Variants in LMAN2 observed in about 807,000 individuals in gnomAD.
LMAN2 encodes the protein vesicular integral-membrane protein VIP36.
In LMAN2, 22 loss-of-function variants were observed where a neutral mutation model predicts 39.3. That is an observed-to-expected ratio of 0.56 (90% CI 0.40 to 0.80). The LOEUF is 0.80. Among genes scored for constraint, LMAN2 ranks in the 30% least tolerant of loss-of-function variants. LMAN2 has a pLI of 0.00. For synonymous variants in LMAN2, 207 were observed against 207.8 expected (o/e 1.00, Z 0.03); for missense variants, 494 against 505.4 (o/e 0.98, Z 0.22).
chr5:177,350,511 T>C (rs1761705829), intron 2 of LMAN2, among the ~76,000 whole-genome samples: 1 of 152,124 alleles, frequency 6.6e-6, no homozygotes, highest in African/African-American at 2.4e-5. Context: ...ACAGGTCCAG[T>C]CCCTCCACAC....
At position 177,338,522 on chromosome 5, in the gene LMAN2, G is replaced by A. The variant is rs143337574; in HGVS notation, c.399C>T (p.Ile133=). 822 of 1,614,094 alleles carry A rather than the reference G, an allele frequency of 5.1e-4. No individual in the cohort carries two copies. Among genetic ancestry groups the A allele is most frequent in the Non-Finnish European group, 6.5e-4 (769 of 1,180,014 alleles). Reference sequence around the variant, plus strand: ...GGCGGTCCCGGGTGTACCACAAGGCGATGCCGTCTCCATGGAGGTTCTTCT... The same window carrying A: ...GGCGGTCCCGGGTGTACCACAAGGCAATGCCGTCTCCATGGAGGTTCTTCT... ...TGKKNLHGDG[I]ALWYTRDRLV... is the part of the protein sequence containing the mutation. Residue 133 remains isoleucine (I), a synonymous_variant, in exon 3 of 8, where the codon ATC becomes ATT. Coordinates refer to ENST00000303127, the MANE Select transcript of LMAN2 (RefSeq NM_006816.3).
chr5:177,332,300 G>A lies in LMAN2; in HGVS notation c.911-54C>T. The stretch of plus-strand genomic sequence containing the variant: ...ACGGCAGCACGGGCCGGGGATCAGG[G>A]GGCTGCAGGAGGGCAGTGGGGATGG... On this transcript the variant is annotated intron_variant, in intron 7 of 7. Transcript: ENST00000303127. The surrounding 1 kb of genome is among the most constrained non-coding windows in gnomAD (Gnocchi z 6.3). 6.4e-7 allele frequency: 1 copy of A among 1,556,728 alleles called. No homozygotes were observed. The highest frequency in any genetic ancestry group is 8.8e-7 in the Non-Finnish European group (1 of 1,140,182).
chr5:177,337,279 G>C lies in LMAN2; in HGVS notation c.676-29C>G. The C allele has an allele frequency of 6.2e-7, 1 of 1,612,782 alleles. No homozygotes were observed. Among genetic ancestry groups the C allele is most frequent in the East Asian group, 2.2e-5 (1 of 44,864 alleles). ...CAGGGCCCAGCACGCTAAGCACCTC[G>C]CAGGACAGCAGCCTGCCCTCCTGAG... On this transcript the variant is annotated intron_variant, in intron 5 of 7. Coordinates refer to ENST00000303127, the MANE Select transcript of LMAN2 (RefSeq NM_006816.3). The surrounding 1 kb of genome is among the most constrained non-coding windows in gnomAD (Gnocchi z 8.2).
At chr5:177,341,676 T>A (rs1010454649) in intron 2 of LMAN2, among the ~76,000 whole-genome samples, 1 of 152,232 alleles carries the variant, frequency 6.6e-6, no homozygotes, top group Non-Finnish European at 1.5e-5. Context: ...CCCATCCAGA[T>A]GTAAAGTCAG....
In LMAN2 at chr5:177,348,292, C is replaced by A. The variant is rs140374361; in HGVS notation, c.315+2881G>T. Among the ~76,000 whole-genome samples the A allele has an allele frequency of 2.8e-4, 43 of 152,160 alleles. No homozygotes were observed. The East Asian group carries it at 7.9e-3, about 28-fold the overall frequency. On this transcript the variant is annotated intron_variant, in intron 2 of 7. Transcript: ENST00000303127. Reference sequence around the variant, plus strand: ...TAAATTATTATATTAATTTTACTTGCAGAAGAATATGGTAGGCTAATGAAT... The same window carrying A: ...TAAATTATTATATTAATTTTACTTGAAGAAGAATATGGTAGGCTAATGAAT...
Position 177,338,594 on chromosome 5 carries a change from G to C in LMAN2, c.327C>G (p.Leu109=), listed in dbSNP as rs547434469. The C allele has an allele frequency of 1.2e-6, 2 of 1,614,108 alleles. No homozygotes were observed. Among genetic ancestry groups the C allele is most frequent in the African/African-American group, 2.7e-5 (2 of 74,954 alleles). The change falls in exon 3 of 8, where the codon CTC becomes CTG. Residue 109 remains leucine (L), a synonymous_variant. Transcript: ENST00000303127. The part of the protein sequence containing the change: ...GSIWNHQPCF[L]KDWEMHVHFK... ...AGTGGACGTGCATTTCCCAGTCTTTGAGGAAGCACGGCTGGAGGGAGAGCA... is the reference window on the plus strand; with the variant it reads ...AGTGGACGTGCATTTCCCAGTCTTTCAGGAAGCACGGCTGGAGGGAGAGCA...
intron 2 of LMAN2, among the ~76,000 whole-genome samples, chr5:177,349,021 GACAA>G (rs1481857460): frequency 1.3e-5 from 2 of 151,944 alleles, no homozygotes; most frequent in African/African-American, 4.8e-5. Flanking sequence ...TAAACCTAAT[GACAA>G]ACAATTTTTG....
chr5:177,345,555 T>C (rs1416410572), intron 2 of LMAN2, among the ~76,000 whole-genome samples: 1 of 151,678 alleles, frequency 6.6e-6, no homozygotes, highest in Non-Finnish European at 1.5e-5. Flanking sequence ...TGGGAAAAAG[T>C]AAAAGGACAG....
intron 2 of LMAN2, among the ~76,000 whole-genome samples, chr5:177,342,808 C>CAAAAAAAAAAAAA: frequency 1.1e-5 from 1 of 94,246 alleles, no homozygotes. Flanking sequence ...AAAGCACAGA[C>CAAAAAAAAAAAAA]AAAAAAAAAA....
intron 1 of LMAN2, 24 bp from the exon 2 acceptor site, chr5:177,351,315 G>A: frequency 1.9e-6 from 3 of 1,612,992 alleles, no homozygotes; most frequent in Non-Finnish European, 2.5e-6. Context: ...CAGGTGCTAA[G>A]AGGCCACGCC....
chr5:177,339,865 T>A lies in LMAN2; in HGVS notation c.316-1260A>T, dbSNP rs114172899. ...AAACACTGTACCCCAATTTGAGCAA[T>A]ATGCTTCATGCATTCATTGATGCCA... On this transcript the variant is annotated intron_variant, in intron 2 of 7. Transcript: ENST00000303127. Among the ~76,000 whole-genome samples the A allele has an allele frequency of 2.6e-3, 391 of 152,276 alleles. 1 individual carries two copies. Among genetic ancestry groups the A allele is most frequent in the African/African-American group, 9.0e-3 (375 of 41,544 alleles).
At chr5:177,350,637 C>G (rs1305328466) in intron 2 of LMAN2, among the ~76,000 whole-genome samples, 1 of 152,192 alleles carries the variant, frequency 6.6e-6, no homozygotes, top group Non-Finnish European at 1.5e-5. Context: ...AGAGATCAGA[C>G]AAATCAGAGT....
intron 2 of LMAN2, among the ~76,000 whole-genome samples, chr5:177,343,997 G>T (rs1761596269): frequency 1.3e-5 from 2 of 151,872 alleles, no homozygotes; most frequent in South Asian, 4.2e-4. Context: ...ATTGCTTGAG[G>T]CCAGGAGTTC....
At chr5:177,345,736 C>CATGCATTTATTTATTT (rs1554092034) in intron 2 of LMAN2, among the ~76,000 whole-genome samples, 1 of 135,476 alleles carries the variant, frequency 7.4e-6, no homozygotes, top group Non-Finnish European at 1.6e-5. Flanking sequence ...CCATGGCATG[C>CATGCATTTATTTATTT]ATTTATTTAT....
intron 2 of LMAN2, among the ~76,000 whole-genome samples, chr5:177,341,201 G>C (rs892936478): frequency 2.0e-5 from 3 of 151,846 alleles, no homozygotes; most frequent in Admixed American, 2.0e-4. Context: ...TGAGGAGCTG[G>C]GATTACAGGC....
rs148353348 is a variant in LMAN2 at position 177,338,603 on chromosome 5, C to T, written c.318G>A (p.Pro106=). 1.1e-4 allele frequency: 178 copies of T among 1,613,938 alleles called. No homozygotes were observed. Among genetic ancestry groups the T allele is most frequent in the Admixed American group, 6.7e-5 (4 of 60,014 alleles). Residue 106 remains proline, a splice_region_variant and synonymous_variant, in exon 3 of 8, where the codon CCG becomes CCA. Transcript: ENST00000303127. The stretch of plus-strand genomic sequence containing the variant: ...GCATTTCCCAGTCTTTGAGGAAGCA[C>T]GGCTGGAGGGAGAGCAGAATGGGCT... ...SKEGSIWNHQ[P]CFLKDWEMHV... is the part of the protein sequence containing the mutation.
intron 7 of LMAN2, among the ~76,000 whole-genome samples, chr5:177,333,401 T>A (rs1581600393): frequency 6.6e-6 from 1 of 152,332 alleles, no homozygotes. Context: ...GCAAGGCAGG[T>A]GCCACCTCTG....
intron 2 of LMAN2, among the ~76,000 whole-genome samples, chr5:177,350,472 G>C (rs1468976891): frequency 6.6e-6 from 1 of 152,122 alleles, no homozygotes; most frequent in Non-Finnish European, 1.5e-5. Flanking sequence ...CATACTCTGA[G>C]GCAAAGGTCA....
chr5:177,347,249 C>T (rs1241285421), intron 2 of LMAN2, among the ~76,000 whole-genome samples: 1 of 152,032 alleles, frequency 6.6e-6, no homozygotes, highest in Admixed American at 6.6e-5. Flanking sequence ...GGGAGGCTGA[C>T]CTCAGAGCAG....
Sources: allele counts gnomAD v4.1 joint callset (sites outside exome capture counted in the v4.1 genomes callset), GRCh38; gene constraint gnomAD v4.1.1; non-coding constraint Gnocchi (gnomAD v3.1); transcripts MANE v1.5; gene names NCBI Gene and HGNC (gene_info 2026-07-23, HGNC 2026-07-21).